The following NPEPPS variants were observed in gnomAD, a reference collection of about 807,000 sequenced individuals.
NPEPPS encodes aminopeptidase puromycin sensitive.
A neutral mutation model predicts 115.5 loss-of-function variants in NPEPPS; 14 were observed. That is an observed-to-expected ratio of 0.12 (90% CI 0.08 to 0.19). NPEPPS has a LOEUF of 0.19. NPEPPS is among the 10% of genes least tolerant of loss of function. The pLI is 1.00. For missense variants in NPEPPS, 523 were observed against 1,110.8 expected, an observed-to-expected ratio of 0.47 and a Z score of 7.52; for synonymous variants, 285 against 390.6, an observed-to-expected ratio of 0.73 and a Z score of 3.19.
At chr17:47,610,901 G>C (rs1335830866) in intron 17 of NPEPPS, among the ~76,000 whole-genome samples, 1 of 123,434 alleles carries the variant, frequency 8.1e-6, no homozygotes, top group Non-Finnish European at 1.6e-5. Flanking sequence ...TCTCCAGGTT[G>C]GAGTGCAGTG....
intron 19 of NPEPPS, among the ~76,000 whole-genome samples, chr17:47,618,146 GC>G: frequency 6.6e-6 from 1 of 152,104 alleles, no homozygotes; most frequent in Middle Eastern, 3.4e-3. Context: ...CTCCCAAAGT[GC>G]TGGGATTACA....
chr17:47,560,415 T>A (rs546926660), intron 2 of NPEPPS, among the ~76,000 whole-genome samples: 3 of 152,310 alleles, frequency 2.0e-5, no homozygotes, highest in African/African-American at 7.2e-5. Context: ...TCATTCTTTT[T>A]AGACTTTTTA....
Position 47,622,978 on chromosome 17 carries a change from T to C in NPEPPS, c.*1058T>C, listed in dbSNP as rs1454965633. ...GGTAACTGGTTTAAAAAACAAAGAC[T>C]GTAAGCCTGTGTGTGCCACTGTTTG... On this transcript the variant is annotated 3_prime_UTR_variant, in exon 23 of 23. Transcript: ENST00000322157. 9 of 454,094 alleles carry C rather than the reference T, an allele frequency of 2.0e-5. No individual in the cohort carries two copies. In the Admixed American group the frequency reaches 2.1e-4, roughly 11 times the overall value. 28.1% of individuals were successfully genotyped at this position (454,094 alleles called of 1,614,324 possible).
At chr17:47,612,383 TATAAG>T in intron 17 of NPEPPS, 72 bp from the exon 18 acceptor site, 2 of 1,483,942 alleles carry the variant, frequency 1.3e-6, no homozygotes, top group Non-Finnish European at 1.8e-6. Flanking sequence ...ATAGCACAAT[TATAAG>T]ATATCCAAAT....
chr17:47,527,530 C>T (rs1317785958), upstream of NPEPPS, among the ~76,000 whole-genome samples: 1 of 151,404 alleles, frequency 6.6e-6, no homozygotes, highest in African/African-American at 2.4e-5. Flanking sequence ...GTTTAGTAAG[C>T]ACTTGATAAA....
rs1194768212 is a variant in NPEPPS, at chr17:47,545,985, G to T, written c.332G>T (p.Gly111Val). Residue 111 changes from glycine to valine, a missense_variant, in exon 2 of 23, where the codon GGA becomes GTA. Around this residue, in one of 4 missense-constraint regions of NPEPPS, gnomAD observed 144 missense variants for 512.4 expected, o/e 0.28. Coordinates refer to ENST00000322157, the MANE Select transcript of NPEPPS (RefSeq NM_006310.4). ...ATTACAGCTTCATATGCACCAGAAGGAGATGAAGGTAAGAGCTGTTTTCCA... is the reference window on the plus strand; with the variant it reads ...ATTACAGCTTCATATGCACCAGAAGTAGATGAAGGTAAGAGCTGTTTTCCA... ...DIITASYAPE[G>V]DEEIHATGFN... 6.5e-7 allele frequency: 1 copy of T among 1,535,248 alleles called. No homozygotes were observed. Among genetic ancestry groups the T allele is most frequent in the Non-Finnish European group, 8.8e-7 (1 of 1,140,378 alleles).
intron 12 of NPEPPS, among the ~76,000 whole-genome samples, chr17:47,594,016 G>A (rs1261338337): frequency 6.6e-6 from 1 of 152,186 alleles, no homozygotes; most frequent in East Asian, 1.9e-4. Context: ...TTAGCTGGGT[G>A]TGGTGGCATG....
chr17:47,598,302 G>A (rs948770292), intron 13 of NPEPPS, among the ~76,000 whole-genome samples: 3 of 151,602 alleles, frequency 2.0e-5, no homozygotes, highest in Non-Finnish European at 2.9e-5. Flanking sequence ...GTGAGACCTC[G>A]TCTCTACTAA....
intron 1 of NPEPPS, among the ~76,000 whole-genome samples, chr17:47,543,516 G>A (rs559132216): frequency 2.0e-5 from 3 of 146,798 alleles, no homozygotes; most frequent in Non-Finnish European, 4.5e-5. Flanking sequence ...TAGTAGAAAT[G>A]GGGTTTCACC....
At chr17:47,542,300 A>G (rs564967201) in intron 1 of NPEPPS, among the ~76,000 whole-genome samples, 1 of 152,256 alleles carries the variant, frequency 6.6e-6, no homozygotes, top group Non-Finnish European at 1.5e-5. Context: ...TAATCCCAGC[A>G]CTTTGGGAGG....
intron 8 of NPEPPS, 43 bp downstream of exon 8, chr17:47,586,441 C>T (rs1436368076): frequency 1.4e-6 from 2 of 1,471,936 alleles, no homozygotes; most frequent in Non-Finnish European, 1.8e-6. Context: ...TTTCAAATCA[C>T]TGATTTCAAA....
At chr17:47,621,583 G>A (rs1597904026) in intron 22 of NPEPPS, among the ~76,000 whole-genome samples, 185 bp from the exon 23 acceptor site, 1 of 152,244 alleles carries the variant, frequency 6.6e-6, no homozygotes, top group South Asian at 2.1e-4. Flanking sequence ...TAATTAAGGG[G>A]AGAATTCCTA....
At position 47,586,244 on chromosome 17, in the gene NPEPPS, GGTAAA is replaced by G; in HGVS notation, c.946+6_946+10del. ...CATTGCTATTGCAGACTTTGCAGCT[GGTAAA>G]GTAAATTTCATTTTATTGCTGAATT... is the stretch of plus-strand genomic sequence containing the variant. On this transcript the variant is annotated splice_donor_variant and splice_donor_5th_base_variant and intron_variant, in intron 7 of 22. Coordinates refer to ENST00000322157, the MANE Select transcript of NPEPPS (RefSeq NM_006310.4). LOFTEE classifies it high-confidence loss of function. 8.5e-7 allele frequency: 1 copy of G among 1,173,992 alleles called. No individual in the cohort carries two copies. Among genetic ancestry groups the G allele is most frequent in the African/African-American group, 1.6e-5 (1 of 62,026 alleles). The allele number at this position is 1,173,992 out of a possible 1,614,324, so 72.7% of individuals were successfully genotyped here.
At chr17:47,596,566 T>A in intron 13 of NPEPPS, 104 bp downstream of exon 13, 1 of 569,800 alleles carries the variant, frequency 1.8e-6, no homozygotes, top group Non-Finnish European at 3.0e-6. Context: ...TAGTGACATT[T>A]AAACCAGCCC....
intron 18 of NPEPPS, among the ~76,000 whole-genome samples, chr17:47,612,865 G>A (rs1913964272): frequency 6.6e-6 from 1 of 152,098 alleles, no homozygotes; most frequent in Non-Finnish European, 1.5e-5. Context: ...GTTTCGCCAT[G>A]TTGGCCAGGC....
chr17:47,593,857 TATG>T (rs1912668269), intron 12 of NPEPPS, among the ~76,000 whole-genome samples: 1 of 152,144 alleles, frequency 6.6e-6, no homozygotes, highest in South Asian at 2.1e-4. Flanking sequence ...ACAGTAAAAA[TATG>T]ATATTAAAGA....
chr17:47,574,144 TTTAG>T (rs1208897177), intron 3 of NPEPPS, among the ~76,000 whole-genome samples: 2 of 152,100 alleles, frequency 1.3e-5, no homozygotes, highest in African/African-American at 4.8e-5. Flanking sequence ...AGAGAGGATA[TTTAG>T]TTAAGAAGAA....
At chr17:47,597,576 G>T (rs1912957807) in intron 13 of NPEPPS, among the ~76,000 whole-genome samples, 1 of 151,958 alleles carries the variant, frequency 6.6e-6, no homozygotes, top group South Asian at 2.1e-4. Flanking sequence ...GTATTGCCCA[G>T]CCTGGTCTGG....
chr17:47,590,165 C>T (rs1912414381), intron 9 of NPEPPS, among the ~76,000 whole-genome samples: 1 of 152,140 alleles, frequency 6.6e-6, no homozygotes, highest in South Asian at 2.1e-4. Context: ...CCCTGCCACT[C>T]CAGCCTGGGC....
Sources: allele counts gnomAD v4.1 joint callset (sites outside exome capture counted in the v4.1 genomes callset), GRCh38; gene constraint gnomAD v4.1.1; regional missense constraint gnomAD v4.1.1; transcripts MANE v1.5; gene names NCBI Gene and HGNC (gene_info 2026-07-23, HGNC 2026-07-21).